The following RNLS variants were observed in gnomAD, a reference collection of about 807,000 sequenced individuals.
RNLS encodes the protein renalase, FAD dependent amine oxidase.
In RNLS, 39 loss-of-function variants were observed where a neutral mutation model predicts 39.8. The ratio of observed to expected loss-of-function variants is 0.98; its 90% CI spans 0.76 to 1.28. The LOEUF is 1.28. RNLS is among the 50% of genes most tolerant of loss of function. The probability of loss-of-function intolerance (pLI) is 0.00; values close to 1 mark genes in which losing one functional copy is unlikely to be tolerated. For missense variants in RNLS, 410 were observed against 413.3 expected (o/e 0.99, Z 0.07); for synonymous variants, 147 against 150.7 (o/e 0.98, Z 0.18).
the RNLS span, among the ~76,000 whole-genome samples, chr10:88,194,685 GA>G: frequency 6.6e-6 from 1 of 152,170 alleles, no homozygotes; most frequent in South Asian, 2.1e-4. Context: ...ATTAAAAATG[GA>G]AATTTTGCGG....
intron 4 of RNLS, among the ~76,000 whole-genome samples, chr10:88,443,390 G>A (rs987114988): frequency 2.0e-5 from 3 of 152,182 alleles, no homozygotes; most frequent in Non-Finnish European, 2.9e-5. Context: ...CAGCGTGAGC[G>A]ACACAGAAGA....
Position 88,284,394 on chromosome 10 carries a change from G to A in RNLS, c.*960C>T. 5 of 985,366 alleles carry A rather than the reference G, an allele frequency of 5.1e-6. No individual in the cohort carries two copies. Among genetic ancestry groups the A allele is most frequent in the Non-Finnish European group, 6.0e-6 (5 of 829,906 alleles). The allele number at this position is 985,366 out of a possible 1,614,324, so 61.0% of individuals were successfully genotyped here. ...TAGCAACAGGTAGCTGGTTTGGAAG[G>A]CTGGAGATTGATTTCTCTCCAGCTA... On this transcript the variant is annotated 3_prime_UTR_variant, in exon 7 of 7. Transcript: ENST00000331772.
chr10:88,230,766 G>A, the RNLS span, among the ~76,000 whole-genome samples: 1 of 152,212 alleles, frequency 6.6e-6, no homozygotes, highest in Admixed American at 6.5e-5. Flanking sequence ...GAGATGTTGT[G>A]TGTCAGTGCT....
intron 4 of RNLS, among the ~76,000 whole-genome samples, chr10:88,554,088 C>T (rs932461836): frequency 3.3e-5 from 5 of 151,646 alleles, no homozygotes; most frequent in Non-Finnish European, 5.9e-5. Flanking sequence ...TTACATACTT[C>T]GCCCACAATG....
intron 3 of RNLS, among the ~76,000 whole-genome samples, chr10:88,577,545 C>T (rs1024946868): frequency 3.9e-5 from 6 of 152,114 alleles, no homozygotes; most frequent in Non-Finnish European, 7.4e-5. Context: ...ACGTAAAGTA[C>T]CTCAGGTAGT....
chr10:88,367,148 T>A (rs1313443717), intron 4 of RNLS, among the ~76,000 whole-genome samples: 1 of 152,014 alleles, frequency 6.6e-6, no homozygotes, highest in Non-Finnish European at 1.5e-5. Flanking sequence ...TTTCATAAAG[T>A]GAACACATCT....
the RNLS span, among the ~76,000 whole-genome samples, chr10:88,244,150 A>G: frequency 1.3e-5 from 2 of 152,134 alleles, no homozygotes; most frequent in African/African-American, 4.8e-5. Flanking sequence ...CCTGGGCCCA[A>G]TCCGGGGTCT....
chr10:88,359,217 G>A (rs560532418), intron 5 of RNLS, among the ~76,000 whole-genome samples: 1 of 152,190 alleles, frequency 6.6e-6, no homozygotes, highest in South Asian at 2.1e-4. Context: ...TTGGGAGCCT[G>A]AGGCAGGAGA....
intron 4 of RNLS, among the ~76,000 whole-genome samples, chr10:88,431,390 T>A (rs973288057): frequency 6.6e-6 from 1 of 151,726 alleles, no homozygotes; most frequent in Non-Finnish European, 1.5e-5. Flanking sequence ...GGCTAGAGAA[T>A]TACTAATTTT....
chr10:88,194,136 A>G, the RNLS span, among the ~76,000 whole-genome samples: 1 of 152,218 alleles, frequency 6.6e-6, no homozygotes, highest in African/African-American at 2.4e-5. Context: ...TTCTCTTCAA[A>G]GAACAGCTGG....
At chr10:88,445,074 T>C (rs1841957128) in intron 4 of RNLS, among the ~76,000 whole-genome samples, 1 of 137,890 alleles carries the variant, frequency 7.3e-6, no homozygotes, top group Non-Finnish European at 1.6e-5. Context: ...CAGAGAAAGG[T>C]TGGGTTACCC....
intron 5 of RNLS, among the ~76,000 whole-genome samples, chr10:88,322,360 C>G (rs114355375): frequency 2.0e-5 from 3 of 152,054 alleles, no homozygotes; most frequent in Non-Finnish European, 4.4e-5. Flanking sequence ...AGCATTTCCC[C>G]GATATGGTTT....
At chr10:88,541,749 T>C (rs1320540423) in intron 4 of RNLS, among the ~76,000 whole-genome samples, 1 of 152,188 alleles carries the variant, frequency 6.6e-6, no homozygotes, top group Non-Finnish European at 1.5e-5. Context: ...CTGGGTCAAA[T>C]TGACCCTTGA....
chr10:88,318,962 A>G (rs188326951), intron 5 of RNLS, among the ~76,000 whole-genome samples: 284 of 152,244 alleles, frequency 1.9e-3, no homozygotes, highest in African/African-American at 6.2e-3. Flanking sequence ...GCCAGCTCTT[A>G]CTCTTAAGTG....
At chr10:88,499,447 A>G (rs1039180402) in intron 4 of RNLS, among the ~76,000 whole-genome samples, 2 of 152,096 alleles carry the variant, frequency 1.3e-5, no homozygotes, top group African/African-American at 4.8e-5. Context: ...CCCCAGATTC[A>G]GGCCTGTGTT....
chr10:88,179,861 A>T, the RNLS span, among the ~76,000 whole-genome samples: 1 of 152,254 alleles, frequency 6.6e-6, no homozygotes, highest in Non-Finnish European at 1.5e-5. Context: ...GACTCTAAGT[A>T]TAATCCCCAG....
chr10:88,338,646 G>A (rs757025309), intron 5 of RNLS, among the ~76,000 whole-genome samples: 1 of 152,136 alleles, frequency 6.6e-6, no homozygotes, highest in African/African-American at 2.4e-5. Context: ...TCTTGAGCAC[G>A]AGAGAACACT....
the RNLS span, among the ~76,000 whole-genome samples, chr10:88,238,480 G>A: frequency 7.2e-5 from 11 of 152,362 alleles, no homozygotes; most frequent in East Asian, 1.7e-3. Context: ...GAGGCTGGAG[G>A]CTGATGGATG....
chr10:88,362,543 G>T lies in RNLS; in HGVS notation c.700+9C>A, dbSNP rs1347957511. The T allele has an allele frequency of 3.1e-6, 5 of 1,611,000 alleles. No individual in the cohort carries two copies. In the Admixed American group the frequency reaches 8.4e-5, roughly 27 times the overall value. ...TGCTGTATTTAAGGGAAATAATAGGGGTACTGACCTATATTGCGCTTCTTA... is the reference window on the plus strand; with the variant it reads ...TGCTGTATTTAAGGGAAATAATAGGTGTACTGACCTATATTGCGCTTCTTA... On this transcript the variant is annotated intron_variant, in intron 5 of 6. Transcript: ENST00000331772.
Sources: gnomAD v4.1 joint callset for allele counts (sites outside exome capture counted in the v4.1 genomes callset) on GRCh38, gnomAD v4.1.1 for gene constraint, MANE v1.5 for transcripts, NCBI Gene and HGNC (gene_info 2026-07-23, HGNC 2026-07-21) for gene names.